The following TAS2R1 variants were observed in gnomAD, a reference collection of about 807,000 sequenced individuals.
TAS2R1 encodes the protein taste receptor type 2 member 1.
For missense variants in TAS2R1, 370 were observed against 353.4 expected, an observed-to-expected ratio of 1.05 and a Z score of -0.38; for synonymous variants, 141 against 134.2, an observed-to-expected ratio of 1.05 and a Z score of -0.35.
At chr5:9,797,435 T>TCTGAGACACAG in the TAS2R1 span, among the ~76,000 whole-genome samples, 1 of 152,156 alleles carries the variant, frequency 6.6e-6, no homozygotes, top group Non-Finnish European at 1.5e-5. Flanking sequence ...TACCACCTTC[T>TCTGAGACACAG]CTGAGACACA....
the TAS2R1 span, among the ~76,000 whole-genome samples, chr5:9,723,918 T>G: frequency 6.6e-6 from 1 of 151,618 alleles, no homozygotes; most frequent in Non-Finnish European, 1.5e-5. Context: ...CAGAGGGCTC[T>G]TTCTTTGTTC....
chr5:9,820,548 A>G, the TAS2R1 span, among the ~76,000 whole-genome samples: 3 of 152,202 alleles, frequency 2.0e-5, no homozygotes, highest in Admixed American at 1.3e-4. Flanking sequence ...TTTAGCATGT[A>G]GTGGTGTCTA....
At chr5:9,644,642 G>A (rs528357509) in intron 2 of TAS2R1, among the ~76,000 whole-genome samples, 1 of 152,278 alleles carries the variant, frequency 6.6e-6, no homozygotes, top group African/African-American at 2.4e-5. Context: ...ATATGCATTT[G>A]GAATTTGCTA....
the TAS2R1 span, among the ~76,000 whole-genome samples, chr5:9,775,508 C>T: frequency 6.6e-6 from 1 of 152,040 alleles, no homozygotes; most frequent in Non-Finnish European, 1.5e-5. Context: ...GAGTCTCTTC[C>T]ATAGACATCA....
the TAS2R1 span, among the ~76,000 whole-genome samples, chr5:9,799,251 T>G: frequency 6.6e-6 from 1 of 152,230 alleles, no homozygotes; most frequent in African/African-American, 2.4e-5. Context: ...TGCTGACACT[T>G]TTTCATTCAC....
the TAS2R1 span, chr5:9,867,007 T>C: frequency 6.6e-6 from 1 of 152,210 alleles, no homozygotes; most frequent in Admixed American, 6.5e-5. Context: ...GGGCAAAAGA[T>C]GATGCATGGG....
At chr5:9,883,639 AG>A in the TAS2R1 span, among the ~76,000 whole-genome samples, 1 of 152,152 alleles carries the variant, frequency 6.6e-6, no homozygotes, top group Admixed American at 6.5e-5. Flanking sequence ...ATATGTAACA[AG>A]CTTCACCGAG....
At chr5:9,697,609 T>C (rs2126522681) in intron 1 of TAS2R1, among the ~76,000 whole-genome samples, 1 of 152,280 alleles carries the variant, frequency 6.6e-6, no homozygotes, top group Non-Finnish European at 1.5e-5. Context: ...ACTAGTTTAG[T>C]ATGAGAAGAT....
At chr5:9,678,198 T>G (rs1456392731) in intron 1 of TAS2R1, among the ~76,000 whole-genome samples, 1 of 152,064 alleles carries the variant, frequency 6.6e-6, no homozygotes, top group African/African-American at 2.4e-5. Flanking sequence ...ACATCACTGA[T>G]CATTAGAGAA....
the TAS2R1 span, among the ~76,000 whole-genome samples, chr5:9,831,610 A>AGC: frequency 5.6e-5 from 8 of 142,832 alleles, no homozygotes; most frequent in Admixed American, 5.6e-4. Flanking sequence ...TTCTTTAACG[A>AGC]GCATGTTTCT....
At chr5:9,687,721 G>A (rs1296969084) in intron 1 of TAS2R1, among the ~76,000 whole-genome samples, 5 of 152,244 alleles carry the variant, frequency 3.3e-5, no homozygotes. Flanking sequence ...TTTCTGCTCC[G>A]CGGGCCCAAG....
the TAS2R1 span, among the ~76,000 whole-genome samples, chr5:9,850,809 C>T: frequency 1.3e-5 from 2 of 152,192 alleles, no homozygotes; most frequent in Admixed American, 6.5e-5. Context: ...GTATCAACCC[C>T]GTCCAAAGAG....
the TAS2R1 span, among the ~76,000 whole-genome samples, chr5:9,816,011 C>A: frequency 6.6e-6 from 1 of 152,028 alleles, no homozygotes; most frequent in East Asian, 1.9e-4. Flanking sequence ...GACACATAGA[C>A]CCAACTTTGA....
the TAS2R1 span, among the ~76,000 whole-genome samples, chr5:9,832,790 T>C: frequency 6.6e-6 from 1 of 152,230 alleles, no homozygotes; most frequent in South Asian, 2.1e-4. Flanking sequence ...TATGTTTTTG[T>C]AAACCGAAAG....
chr5:9,792,876 C>G, the TAS2R1 span, among the ~76,000 whole-genome samples: 10 of 152,180 alleles, frequency 6.6e-5, no homozygotes, highest in African/African-American at 2.4e-4. Context: ...TGGTGATATT[C>G]TGATCAAAAT....
chr5:9,771,125 CTG>C, the TAS2R1 span, among the ~76,000 whole-genome samples: 2 of 152,120 alleles, frequency 1.3e-5, no homozygotes, highest in African/African-American at 2.4e-5. Flanking sequence ...ATTTTATAAA[CTG>C]TTTTTTCAGC....
At chr5:9,660,404 G>C (rs764670836) in intron 1 of TAS2R1, among the ~76,000 whole-genome samples, 27 of 151,998 alleles carry the variant, frequency 1.8e-4, no homozygotes, top group Non-Finnish European at 4.0e-4. Flanking sequence ...ATAAAAAATA[G>C]GGTCAAATAT....
At chr5:9,748,571 G>A in the TAS2R1 span, among the ~76,000 whole-genome samples, 7 of 152,134 alleles carry the variant, frequency 4.6e-5, no homozygotes, top group African/African-American at 1.7e-4. Context: ...AGGTGGAAGG[G>A]GAGCTGGTGT....
upstream of TAS2R1, among the ~76,000 whole-genome samples, chr5:9,712,790 G>A (rs1216515791): frequency 6.6e-6 from 1 of 152,154 alleles, no homozygotes; most frequent in East Asian, 1.9e-4. Context: ...GTGTGTGTAT[G>A]TATGAAAGGA....
Sources: allele counts gnomAD v4.1 joint callset (sites outside exome capture counted in the v4.1 genomes callset), GRCh38; gene constraint gnomAD v4.1.1; transcripts MANE v1.5; gene names NCBI Gene and HGNC (gene_info 2026-07-23, HGNC 2026-07-21).